The following CCDC62 variants were observed in gnomAD, a reference collection of about 807,000 sequenced individuals.
CCDC62 encodes the protein coiled-coil domain containing 62.
Under a neutral mutation model 80.8 loss-of-function variants are expected in CCDC62, and 72 were observed. The ratio of observed to expected loss-of-function variants is 0.89; its 90% CI spans 0.74 to 1.08. The LOEUF is 1.08. CCDC62 is among the 50% of genes least tolerant of loss of function. The pLI, the probability that CCDC62 is intolerant of heterozygous loss-of-function variation, is 0.00. For synonymous variants in CCDC62, 286 were observed against 296.5 expected, an observed-to-expected ratio of 0.96 and a Z score of 0.36; for missense variants, 704 against 809.4, an observed-to-expected ratio of 0.87 and a Z score of 1.58.
intron 3 of CCDC62, among the ~76,000 whole-genome samples, chr12:122,785,053 C>T (rs2030125693): frequency 6.6e-6 from 1 of 151,340 alleles, no homozygotes; most frequent in Non-Finnish European, 1.5e-5. Context: ...GCAGGAGAAT[C>T]ACTTGAATCC....
rs537629809 is a variant in CCDC62, at chr12:122,806,651, T to C, written c.1851+356T>C. Among the ~76,000 whole-genome samples, 8 of 151,958 alleles carry C rather than the reference T, an allele frequency of 5.3e-5. No individual in the cohort carries two copies. The South Asian group carries it at 1.5e-3, about 28-fold the overall frequency. Reference sequence around the variant, plus strand: ...ATGCCACCACGCCCAGCTAATTTTCTCATTTTTTTGTAGAGACAGGGTCTC... The same window carrying C: ...ATGCCACCACGCCCAGCTAATTTTCCCATTTTTTTGTAGAGACAGGGTCTC... On this transcript the variant is annotated intron_variant, in intron 10 of 12. Transcript: ENST00000253079.
chr12:122,792,190 T>G, intron 6 of CCDC62, 69 bp downstream of exon 6: 1 of 729,604 alleles, frequency 1.4e-6, no homozygotes, highest in Non-Finnish European at 2.3e-6. Flanking sequence ...GAATTATACC[T>G]CTCCCAAAAT....
rs1300387290 is a variant in CCDC62, at chr12:122,827,276, TTAAAC to T, written c.*897_*901del. The stretch of plus-strand genomic sequence containing the variant: ...AAATAAGGAAGGAACGTTCATCACT[TTAAAC>T]TGAACCTGGCAAGTTAATTTCCTCA... On this transcript the variant is annotated 3_prime_UTR_variant, in exon 13 of 13. Transcript: ENST00000253079. The T allele has an allele frequency of 6.6e-5, 10 of 152,350 alleles. No individual in the cohort carries two copies. Among genetic ancestry groups the T allele is most frequent in the Admixed American group, 2.0e-4 (3 of 15,294 alleles). 9.4% of individuals were successfully genotyped at this position (152,350 alleles called of 1,614,324 possible).
Position 122,827,030 on chromosome 12 carries a change from A to G in CCDC62, c.*649A>G, listed in dbSNP as rs564452521. ...ATATTAGTCCCACCTACTGACACAAACAAAAGCTTGCTGGAAGATCGAGTT... is the reference window on the plus strand; with the variant it reads ...ATATTAGTCCCACCTACTGACACAAGCAAAAGCTTGCTGGAAGATCGAGTT... On this transcript the variant is annotated 3_prime_UTR_variant, in exon 13 of 13. Transcript: ENST00000253079. 1.3e-5 allele frequency: 2 copies of G among 152,344 alleles called. No homozygotes were observed. Among genetic ancestry groups the G allele is most frequent in the African/African-American group, 4.8e-5 (2 of 41,576 alleles). The allele number at this position is 152,344 out of a possible 1,614,324, so 9.4% of individuals were successfully genotyped here.
intron 10 of CCDC62, among the ~76,000 whole-genome samples, chr12:122,807,848 A>G (rs1486508739): frequency 6.6e-6 from 1 of 152,150 alleles, no homozygotes; most frequent in Non-Finnish European, 1.5e-5. Context: ...AATTTTATAT[A>G]AATGCATTCA....
At chr12:122,797,259 T>G in intron 6 of CCDC62, 48 bp from the exon 7 acceptor site, 1 of 877,074 alleles carries the variant, frequency 1.1e-6, no homozygotes, top group Non-Finnish European at 1.9e-6. Flanking sequence ...GAGAGGTTTG[T>G]GTGGCTATAG....
intron 9 of CCDC62, among the ~76,000 whole-genome samples, chr12:122,803,645 T>A (rs987368482): frequency 2.0e-5 from 3 of 152,254 alleles, no homozygotes; most frequent in Non-Finnish European, 2.9e-5. Context: ...CCTTTGGCCC[T>A]TTTAGAAACT....
At chr12:122,825,586 G>A (rs1481859991) in intron 12 of CCDC62, among the ~76,000 whole-genome samples, 8 of 144,048 alleles carry the variant, frequency 5.6e-5, no homozygotes, top group East Asian at 4.2e-4. Flanking sequence ...GAACTCCTGA[G>A]CTTAAGTGAT....
chr12:122,812,739 AAGAGAGAGAGAG>A, intron 10 of CCDC62, among the ~76,000 whole-genome samples: 1 of 105,930 alleles, frequency 9.4e-6, no homozygotes, highest in Admixed American at 1.2e-4. Flanking sequence ...AAAAAAAAGA[AAGAGAGAGAGAG>A]GGAGGGAGAG....
At chr12:122,799,003 C>T (rs887255668) in intron 8 of CCDC62, among the ~76,000 whole-genome samples, 2 of 152,052 alleles carry the variant, frequency 1.3e-5, no homozygotes, top group Non-Finnish European at 2.9e-5. Context: ...TTGCTGGAAC[C>T]CGGGAGGCAG....
intron 3 of CCDC62, among the ~76,000 whole-genome samples, chr12:122,783,509 A>C (rs2030006323): frequency 6.6e-6 from 1 of 152,090 alleles, no homozygotes; most frequent in Non-Finnish European, 1.5e-5. Context: ...TACAGGTGTG[A>C]GCCACCGCGC....
chr12:122,800,589 G>A (rs889397662), intron 8 of CCDC62, among the ~76,000 whole-genome samples: 5 of 151,992 alleles, frequency 3.3e-5, no homozygotes, highest in Admixed American at 1.3e-4. Context: ...CACCACGCCC[G>A]GCTAATTTTT....
At chr12:122,791,104 G>T (rs2030572987) in intron 5 of CCDC62, among the ~76,000 whole-genome samples, 1 of 152,114 alleles carries the variant, frequency 6.6e-6, no homozygotes, top group South Asian at 2.1e-4. Flanking sequence ...GCTTCTCACT[G>T]AGAAATGACA....
intron 4 of CCDC62, among the ~76,000 whole-genome samples, chr12:122,788,280 ATGT>A (rs2030390489): frequency 6.6e-6 from 1 of 152,178 alleles, no homozygotes; most frequent in Non-Finnish European, 1.5e-5. Context: ...ATTTGGAATG[ATGT>A]TGTTGTGGAG....
chr12:122,798,184 A>G lies in CCDC62; in HGVS notation c.961A>G (p.Lys321Glu). 1 of 1,526,646 alleles carries G rather than the reference A, an allele frequency of 6.6e-7. No homozygotes were observed. Among genetic ancestry groups the G allele is most frequent in the Non-Finnish European group, 9.1e-7 (1 of 1,101,334 alleles). The allele number at this position is 1,526,646 out of a possible 1,614,324, so 94.6% of individuals were successfully genotyped here. A position where few individuals can be genotyped will look rare whatever the true frequency, so the allele number is the denominator to read the frequency against. ...QMYDSKMEES[K>E]ALDSSRDMCL... is the part of the protein sequence containing the mutation. ...GTATGACTCAAAGATGGAGGAATCA[A>G]AGGCTCTGGACTCCAGGTAATCTTA... Residue 321 changes from lysine (K) to glutamate (E), a missense_variant, in exon 8 of 13, where the codon AAG (lysine) becomes GAG (glutamate). Transcript: ENST00000253079.
intron 2 of CCDC62, among the ~76,000 whole-genome samples, chr12:122,778,673 A>G (rs1879632726): frequency 6.6e-6 from 1 of 152,092 alleles, no homozygotes; most frequent in African/African-American, 2.4e-5. Flanking sequence ...TGAGGTCAGG[A>G]GTTCAATACC....
At position 122,801,665 on chromosome 12, in the gene CCDC62, G is replaced by A. The variant is rs569908909; in HGVS notation, c.1519G>A (p.Glu507Lys). The change falls in exon 9 of 13, where the codon GAA becomes AAA. Residue 507 changes from glutamate to lysine, a missense_variant. By Grantham distance (56) the Glu-to-Lys change is moderately conservative (BLOSUM62 1). Transcript: ENST00000253079. Reference protein sequence around the residue: ...CCQKNEACLGESGMCDSKCCH... With the variant: ...CCQKNEACLGKSGMCDSKCCH... Reference sequence around the variant, plus strand: ...CCAGAAAAATGAAGCCTGTCTGGGCGAAAGTGGCATGTGTGACTCCAAGTG... The same window carrying A: ...CCAGAAAAATGAAGCCTGTCTGGGCAAAAGTGGCATGTGTGACTCCAAGTG... 22 of 1,614,174 alleles carry A rather than the reference G, an allele frequency of 1.4e-5. 1 individual carries two copies. The South Asian group carries it at 1.8e-4, about 13-fold the overall frequency.
At chr12:122,814,138 G>A (rs1047603745) in intron 11 of CCDC62, among the ~76,000 whole-genome samples, 4 of 151,722 alleles carry the variant, frequency 2.6e-5, no homozygotes, top group African/African-American at 4.8e-5. Context: ...AAAATTAGCC[G>A]GACATAGTGG....
chr12:122,806,130 G>T (rs370022962), intron 9 of CCDC62, 21 bp from the exon 10 acceptor site: 1 of 1,600,016 alleles, frequency 6.2e-7, no homozygotes, highest in Non-Finnish European at 8.5e-7. Context: ...ATTTGTTTTT[G>T]TTGGGTTTTC....
Sources: allele counts gnomAD v4.1 joint callset (sites outside exome capture counted in the v4.1 genomes callset), GRCh38; gene constraint gnomAD v4.1.1; transcripts MANE v1.5; gene names NCBI Gene and HGNC (gene_info 2026-07-23, HGNC 2026-07-21).